The following GPR39 variants were observed in gnomAD, a reference collection of about 807,000 sequenced individuals.
GPR39 encodes G protein-coupled receptor 39, also known as zinc sensing receptor.
GPR39 carries 23 observed loss-of-function variants against 18.4 expected under a neutral mutation model. The ratio of observed to expected loss-of-function variants is 1.25; its 90% CI spans 0.90 to 1.77. The LOEUF is 1.77. Among genes scored for constraint, GPR39 ranks in the 40% most tolerant of loss-of-function variants. The pLI, the probability that GPR39 is intolerant of heterozygous loss-of-function variation, is 0.00. For missense variants in GPR39, 647 were observed against 602.4 expected (o/e 1.07, Z -0.78); for synonymous variants, 280 against 257.9 (o/e 1.09, Z -0.82).
intron 1 of GPR39, among the ~76,000 whole-genome samples, chr2:132,548,952 C>G (rs1353720311): frequency 1.3e-5 from 2 of 152,200 alleles, no homozygotes; most frequent in Non-Finnish European, 2.9e-5. Flanking sequence ...TGGCCAGGTT[C>G]CCCTGTGATT....
At chr2:132,583,918 T>C (rs761349750) in intron 1 of GPR39, among the ~76,000 whole-genome samples, 6 of 152,010 alleles carry the variant, frequency 3.9e-5, no homozygotes, top group Non-Finnish European at 8.8e-5. Flanking sequence ...AGGTGAGAAC[T>C]ATGTGGTCCC....
chr2:132,515,683 T>G (rs1198895467), intron 1 of GPR39, among the ~76,000 whole-genome samples: 1 of 152,146 alleles, frequency 6.6e-6, no homozygotes, highest in Admixed American at 6.5e-5. Flanking sequence ...TTAAAGCAAC[T>G]AATAAAACCT....
chr2:132,599,251 T>C (rs533699413), intron 1 of GPR39, among the ~76,000 whole-genome samples: 40 of 152,316 alleles, frequency 2.6e-4, no homozygotes, highest in African/African-American at 9.4e-4. Flanking sequence ...AAATATCTTT[T>C]TAAAAAGCAA....
intron 1 of GPR39, among the ~76,000 whole-genome samples, chr2:132,507,386 G>A (rs751788872): frequency 6.6e-6 from 1 of 152,134 alleles, no homozygotes; most frequent in African/African-American, 2.4e-5. Context: ...TGGGGCATAG[G>A]TTTCATTAGT....
chr2:132,574,845 A>G (rs965602800), intron 1 of GPR39, among the ~76,000 whole-genome samples: 8 of 152,178 alleles, frequency 5.3e-5, no homozygotes, highest in Admixed American at 1.3e-4. Flanking sequence ...AATATTATTA[A>G]TGTATTTTTT....
At chr2:132,432,602 A>G (rs145647559) in intron 1 of GPR39, among the ~76,000 whole-genome samples, 23 of 152,192 alleles carry the variant, frequency 1.5e-4, no homozygotes, top group African/African-American at 5.5e-4. Flanking sequence ...TTTTCTTATA[A>G]AGTGACATTT....
chr2:132,551,145 G>A (rs1274527668), intron 1 of GPR39, among the ~76,000 whole-genome samples: 41 of 152,192 alleles, frequency 2.7e-4, no homozygotes. Flanking sequence ...GCTCAACGAT[G>A]TTAGAGTTGA....
intron 1 of GPR39, among the ~76,000 whole-genome samples, chr2:132,599,858 G>C (rs187762027): frequency 1.1e-4 from 17 of 152,276 alleles, no homozygotes; most frequent in Admixed American, 5.9e-4. Flanking sequence ...GACCTGCCGT[G>C]GATGTGATCT....
chr2:132,420,704 T>C (rs1047725804), intron 1 of GPR39, among the ~76,000 whole-genome samples: 5 of 152,222 alleles, frequency 3.3e-5, no homozygotes, highest in African/African-American at 1.2e-4. Flanking sequence ...AAATGCTAAC[T>C]TCTGCATGAC....
intron 1 of GPR39, among the ~76,000 whole-genome samples, chr2:132,640,933 C>G (rs985529787): frequency 1.3e-5 from 2 of 152,144 alleles, no homozygotes; most frequent in Admixed American, 6.6e-5. Flanking sequence ...TGGTTTTCTT[C>G]CCCTGAGAGG....
At chr2:132,554,078 T>G (rs1459519502) in intron 1 of GPR39, among the ~76,000 whole-genome samples, 1 of 152,158 alleles carries the variant, frequency 6.6e-6, no homozygotes, top group Non-Finnish European at 1.5e-5. Context: ...CCTCTAACAG[T>G]TGAGGGTCTG....
intron 1 of GPR39, among the ~76,000 whole-genome samples, chr2:132,590,040 T>G (rs1680800776): frequency 1.3e-5 from 2 of 152,252 alleles, no homozygotes; most frequent in Non-Finnish European, 2.9e-5. Flanking sequence ...GCTGCTCTCA[T>G]TATTTCTTTT....
In GPR39 at chr2:132,495,780, T is replaced by G. The variant is rs532948764; in HGVS notation, c.856+77882T>G. ...ATTTTCTACCTCTCCTCTCCTTTCC[T>G]CTCTTTCATCCCTCTCTTCTCACCC... On this transcript the variant is annotated intron_variant, in intron 1 of 1. Coordinates refer to ENST00000329321, the MANE Select transcript of GPR39 (RefSeq NM_001508.3). Among the ~76,000 whole-genome samples, 10 of 151,544 alleles carry G rather than the reference T, an allele frequency of 6.6e-5. No individual in the cohort carries two copies. The South Asian group carries it at 2.1e-3, about 31-fold the overall frequency.
At chr2:132,565,190 G>A (rs1680327211) in intron 1 of GPR39, among the ~76,000 whole-genome samples, 1 of 151,930 alleles carries the variant, frequency 6.6e-6, no homozygotes. Context: ...AGCCGGGCAT[G>A]GGGATTTTTT....
chr2:132,437,434 T>C (rs1680345560), intron 1 of GPR39, among the ~76,000 whole-genome samples: 3 of 152,136 alleles, frequency 2.0e-5, no homozygotes. Context: ...GGAGTGTGTG[T>C]GATTGGCTGG....
chr2:132,633,957 A>G (rs1681699131), intron 1 of GPR39, among the ~76,000 whole-genome samples: 1 of 142,748 alleles, frequency 7.0e-6, no homozygotes, highest in Non-Finnish European at 1.5e-5. Flanking sequence ...AGGTGGAGGC[A>G]GTGGTGGAAA....
At chr2:132,613,014 A>G (rs1681262985) in intron 1 of GPR39, among the ~76,000 whole-genome samples, 1 of 152,196 alleles carries the variant, frequency 6.6e-6, no homozygotes, top group South Asian at 2.1e-4. Flanking sequence ...GGTCTTGGTG[A>G]CATTTTAAAG....
intron 1 of GPR39, among the ~76,000 whole-genome samples, chr2:132,630,044 G>A (rs2104868452): frequency 6.6e-6 from 1 of 152,280 alleles, no homozygotes; most frequent in Admixed American, 6.5e-5. Flanking sequence ...AAATTGGCAG[G>A]TCTTCATAAA....
At chr2:132,532,631 A>G (rs988853548) in intron 1 of GPR39, among the ~76,000 whole-genome samples, 2 of 152,242 alleles carry the variant, frequency 1.3e-5, no homozygotes, top group Admixed American at 1.3e-4. Flanking sequence ...GCAGCACGTC[A>G]AAAAGCTTAT....
Sources: allele counts gnomAD v4.1 joint callset (sites outside exome capture counted in the v4.1 genomes callset), GRCh38; gene constraint gnomAD v4.1.1; transcripts MANE v1.5; gene names NCBI Gene and HGNC (gene_info 2026-07-23, HGNC 2026-07-21).